The following RFX4 variants were observed in gnomAD, a reference collection of about 807,000 sequenced individuals.
RFX4 encodes transcription factor RFX4.
Under a neutral mutation model 95.0 loss-of-function variants are expected in RFX4, and 10 were observed. The observed-to-expected ratio is 0.11, with a 90% CI of 0.06 to 0.18. The LOEUF is 0.18. Among genes scored for constraint, RFX4 ranks in the 10% least tolerant of loss-of-function variants. RFX4 has a pLI of 1.00. For synonymous variants in RFX4, 321 were observed against 340.7 expected (o/e 0.94, Z 0.64); for missense variants, 640 against 922.0 (o/e 0.69, Z 3.96).
chr12:106,632,555 C>T (rs748534810), intron 2 of RFX4, among the ~76,000 whole-genome samples: 7 of 152,238 alleles, frequency 4.6e-5, no homozygotes, highest in African/African-American at 1.4e-4. Flanking sequence ...GTTGCTGCTC[C>T]TCCTCAGATG....
intron 15 of RFX4, among the ~76,000 whole-genome samples, chr12:106,737,239 G>A (rs907584655): frequency 1.6e-5 from 2 of 123,436 alleles, no homozygotes; most frequent in Admixed American, 1.0e-4. Flanking sequence ...GCTCCATTCA[G>A]GAGCATTTAC....
rs1365066582 is a variant in RFX4, at chr12:106,586,923, C to T, written c.43+3560C>T. ...TTGGGAGAGCAAGGAGCCGGAGGTCCGAGCCTTGCTCCAGCGCCCAAACCA... is the reference window on the plus strand; with the variant it reads ...TTGGGAGAGCAAGGAGCCGGAGGTCTGAGCCTTGCTCCAGCGCCCAAACCA... On this transcript the variant is annotated intron_variant, in intron 1 of 17. Coordinates refer to ENST00000392842, the MANE Select transcript of RFX4 (RefSeq NM_213594.3). The surrounding 1 kb of genome is among the most constrained non-coding windows in gnomAD (Gnocchi z 5.6). Among the ~76,000 whole-genome samples the T allele has an allele frequency of 2.6e-5, 4 of 152,186 alleles. No individual in the cohort carries two copies. The highest frequency in any genetic ancestry group is 6.5e-5 in the Admixed American group (1 of 15,284).
intron 10 of RFX4, among the ~76,000 whole-genome samples, chr12:106,714,090 A>AAAAAAAAAAAT (rs1565991588): frequency 6.6e-6 from 1 of 151,076 alleles, no homozygotes; most frequent in Non-Finnish European, 1.5e-5. Flanking sequence ...AAAAAAAAAA[A>AAAAAAAAAAAT]AGCATGTTCT....
intron 7 of RFX4, among the ~76,000 whole-genome samples, chr12:106,694,783 C>G (rs1313942132): frequency 6.6e-6 from 1 of 151,998 alleles, no homozygotes; most frequent in East Asian, 1.9e-4. Flanking sequence ...CACTGTAATC[C>G]CAGGACTTTG....
At chr12:106,641,448 T>C (rs2040620310) in intron 3 of RFX4, among the ~76,000 whole-genome samples, 1 of 152,184 alleles carries the variant, frequency 6.6e-6, no homozygotes, top group Non-Finnish European at 1.5e-5. Flanking sequence ...GGCTCAGTCC[T>C]TCCCTCAGCA....
At chr12:106,736,507 A>T (rs564016559) in intron 15 of RFX4, among the ~76,000 whole-genome samples, 1 of 152,234 alleles carries the variant, frequency 6.6e-6, no homozygotes, top group African/African-American at 2.4e-5. Flanking sequence ...GAAATGGAAA[A>T]AGGGCACGGA....
At chr12:106,602,713 A>C (rs1055732807) in intron 1 of RFX4, among the ~76,000 whole-genome samples, 1 of 151,974 alleles carries the variant, frequency 6.6e-6, no homozygotes, top group African/African-American at 2.4e-5. Flanking sequence ...TCCCTCACTA[A>C]ACTCAGTGTC....
chr12:106,707,632 G>T (rs1307084430), intron 8 of RFX4, among the ~76,000 whole-genome samples: 3 of 152,122 alleles, frequency 2.0e-5, no homozygotes, highest in Non-Finnish European at 4.4e-5. Flanking sequence ...ATCATGCATG[G>T]GGGCTGCTTA....
intron 1 of RFX4, among the ~76,000 whole-genome samples, chr12:106,595,136 A>G (rs1390692411): frequency 6.6e-6 from 1 of 152,148 alleles, no homozygotes; most frequent in Non-Finnish European, 1.5e-5. Context: ...ACTCTATGGT[A>G]TTATTACTCC....
At chr12:106,756,798 G>C in intron 17 of RFX4, among the ~76,000 whole-genome samples, 1 of 152,286 alleles carries the variant, frequency 6.6e-6, no homozygotes, top group East Asian at 1.9e-4. Context: ...ATTATCCTTT[G>C]TAACACCATA....
At position 106,710,169 on chromosome 12, in the gene RFX4, T is replaced by G. The variant is rs142068986; in HGVS notation, c.934+739T>G. Among the ~76,000 whole-genome samples the G allele has an allele frequency of 6.0e-3, 915 of 152,248 alleles. 10 individuals carry two copies. The highest frequency in any genetic ancestry group is 0.021 in the African/African-American group (861 of 41,538). On this transcript the variant is annotated intron_variant, in intron 9 of 17. Transcript: ENST00000392842. ...TTCAGCAAAACAAAGTTTTAAAATA[T>G]ACATTTTTTAAAGCCCCATTTGAAT... is the stretch of plus-strand genomic sequence containing the variant.
At position 106,686,991 on chromosome 12, in the gene RFX4, G is replaced by A; in HGVS notation, c.485G>A (p.Ser162Asn). 6.2e-7 allele frequency: 1 copy of A among 1,614,034 alleles called. No individual in the cohort carries two copies. Among genetic ancestry groups the A allele is most frequent in the African/African-American group, 1.3e-5 (1 of 75,002 alleles). ...WVSETGKKEV[S>N]KQTVAYSPRS... is the part of the protein sequence containing the mutation. ...AGTGAGACGGGCAAGAAAGAAGTGA[G>A]CAAACAGACAGTGGCATATTCACCC... Residue 162 changes from serine to asparagine, a missense_variant, in exon 6 of 18, where the codon AGC (serine) becomes AAC (asparagine). Ser to Asn is a conservative substitution (Grantham distance 46). Around this residue, in one of 7 missense-constraint regions of RFX4, gnomAD observed 89 missense variants for 173.8 expected, o/e 0.51. Coordinates refer to ENST00000392842, the MANE Select transcript of RFX4 (RefSeq NM_213594.3).
At chr12:106,705,008 T>A (rs534813928) in intron 8 of RFX4, among the ~76,000 whole-genome samples, 39 of 152,292 alleles carry the variant, frequency 2.6e-4, no homozygotes, top group African/African-American at 8.9e-4. Context: ...GGTACTTTCA[T>A]CAAAGTGGAG....
At chr12:106,754,167 A>G (rs1325931502) in intron 17 of RFX4, among the ~76,000 whole-genome samples, 4 of 152,184 alleles carry the variant, frequency 2.6e-5, no homozygotes, top group African/African-American at 9.7e-5. Context: ...TAATCCCCAG[A>G]CAAGCCAAGA....
chr12:106,745,762 A>T (rs7133161), intron 15 of RFX4, among the ~76,000 whole-genome samples: 1 of 151,914 alleles, frequency 6.6e-6, no homozygotes, highest in African/African-American at 2.4e-5. Context: ...TCCTCCCTTA[A>T]ATTCTTTCAT....
At chr12:106,701,305 T>C (rs2041985216) in intron 8 of RFX4, among the ~76,000 whole-genome samples, 1 of 152,234 alleles carries the variant, frequency 6.6e-6, no homozygotes, top group South Asian at 2.1e-4. Context: ...CTTTGGTTTT[T>C]CAGTCTCTAT....
chr12:106,594,842 T>C (rs1295818948), intron 1 of RFX4, among the ~76,000 whole-genome samples: 1 of 150,918 alleles, frequency 6.6e-6, no homozygotes, highest in Non-Finnish European at 1.5e-5. Context: ...AGGCTGTATG[T>C]TGTATATCGA....
intron 2 of RFX4, among the ~76,000 whole-genome samples, chr12:106,633,340 A>G (rs2040453741): frequency 6.6e-6 from 1 of 152,222 alleles, no homozygotes; most frequent in Admixed American, 6.5e-5. Flanking sequence ...ACATGGCCTC[A>G]TGCAATTATT....
chr12:106,614,476 C>CGTGT (rs1337978270), intron 2 of RFX4, among the ~76,000 whole-genome samples: 21 of 65,112 alleles, frequency 3.2e-4, no homozygotes, highest in East Asian at 7.3e-4. Flanking sequence ...ACGTCTTTTG[C>CGTGT]CTGTGTGTGT....
Sources: gnomAD v4.1 joint callset for allele counts (sites outside exome capture counted in the v4.1 genomes callset) on GRCh38, gnomAD v4.1.1 for gene constraint, gnomAD v4.1.1 regional missense constraint, Gnocchi (gnomAD v3.1) non-coding constraint, MANE v1.5 for transcripts, NCBI Gene and HGNC (gene_info 2026-07-23, HGNC 2026-07-21) for gene names.